NR3C2: variants seen among roughly 807,000 people sequenced by gnomAD.
NR3C2 encodes the protein mineralocorticoid receptor.
Under a neutral mutation model 86.4 loss-of-function variants are expected in NR3C2, and 15 were observed. The observed-to-expected ratio is 0.17, with a 90% confidence interval of 0.12 to 0.27. The LOEUF is 0.27. Ranked by LOEUF, NR3C2 falls within the 10% of genes least tolerant of loss-of-function variation. The pLI is 1.00. For synonymous variants in NR3C2, 458 were observed against 450.5 expected, an observed-to-expected ratio of 1.02 and a Z score of -0.21; for missense variants, 960 against 1,195.6, an observed-to-expected ratio of 0.80 and a Z score of 2.91.
intron 2 of NR3C2, among the ~76,000 whole-genome samples, chr4:148,391,863 T>C (rs62333617): frequency 0.01 from 1,197 of 114,208 alleles, 7 homozygotes; most frequent in Non-Finnish European, 0.018. Flanking sequence ...CAAGACTCCA[T>C]TGCAAAAAAA....
At chr4:148,168,598 G>T (rs1484988821) in intron 4 of NR3C2, among the ~76,000 whole-genome samples, 1 of 152,168 alleles carries the variant, frequency 6.6e-6, no homozygotes, top group African/African-American at 2.4e-5. Flanking sequence ...GACATTTATT[G>T]ATATTTATTT....
intron 8 of NR3C2, among the ~76,000 whole-genome samples, chr4:148,087,096 C>G (rs768519494): frequency 2.8e-4 from 43 of 152,178 alleles, no homozygotes; most frequent in Admixed American, 2.6e-4. Context: ...AATCAGTGTG[C>G]AAAAGTTACA....
rs769506516 is a variant in NR3C2 at position 148,435,236 on chromosome 4, T to A, written c.1625A>T (p.Gln542Leu). 2.5e-6 allele frequency: 4 copies of A among 1,614,086 alleles called. No homozygotes were observed. In the Admixed American group the frequency reaches 6.7e-5, roughly 27 times the overall value. ...TISLSRSARD[Q>L]SFQHLSSFPP... The stretch of plus-strand genomic sequence containing the variant: ...AAAGGAACTCAGGTGTTGGAAAGAT[T>A]GGTCTCTAGCCGATCGTGATAAAGA... Residue 542 changes from glutamine to leucine, a missense_variant, in exon 2 of 9, where the codon CAA (glutamine) becomes CTA (leucine). Gln to Leu is a moderately radical substitution (Grantham distance 113). Around this residue, in one of 4 missense-constraint regions of NR3C2, gnomAD observed 680 missense variants for 719.0 expected, o/e 0.95. Transcript: ENST00000358102.
At chr4:148,126,096 C>G (rs955332807) in intron 6 of NR3C2, among the ~76,000 whole-genome samples, 2 of 152,238 alleles carry the variant, frequency 1.3e-5, no homozygotes, top group African/African-American at 4.8e-5. Context: ...GCATCCCTGG[C>G]TTTGCCCCAG....
chr4:148,300,316 C>A (rs548556348), intron 2 of NR3C2, among the ~76,000 whole-genome samples: 14 of 152,144 alleles, frequency 9.2e-5, no homozygotes, highest in Non-Finnish European at 1.6e-4. Flanking sequence ...CCACAAACAG[C>A]CCTGAATTTT....
At chr4:148,163,981 T>A (rs1377672258) in intron 4 of NR3C2, among the ~76,000 whole-genome samples, 1 of 152,100 alleles carries the variant, frequency 6.6e-6, no homozygotes, top group African/African-American at 2.4e-5. Flanking sequence ...AATCAGAAGG[T>A]CAAAGGGGGT....
intron 6 of NR3C2, among the ~76,000 whole-genome samples, chr4:148,148,004 T>C (rs574363520): frequency 4.9e-4 from 75 of 151,606 alleles, no homozygotes; most frequent in African/African-American, 1.8e-3. Flanking sequence ...CCAAAACGAG[T>C]TCAACATTTT....
chr4:148,324,366 TTTGTG>T (rs1743839906), intron 2 of NR3C2, among the ~76,000 whole-genome samples: 5 of 71,906 alleles, frequency 7.0e-5, no homozygotes, highest in Non-Finnish European at 1.2e-4. Context: ...TGTGTGTGTG[TTTGTG>T]TGTGTGTTCC....
chr4:148,376,794 AATTAT>A (rs1746702608), intron 2 of NR3C2, among the ~76,000 whole-genome samples: 2 of 152,146 alleles, frequency 1.3e-5, no homozygotes, highest in Non-Finnish European at 1.5e-5. Context: ...ATAACAGAAA[AATTAT>A]ATTAGAGAGT....
intron 4 of NR3C2, among the ~76,000 whole-genome samples, chr4:148,178,742 G>A (rs1735504029): frequency 6.6e-6 from 1 of 151,416 alleles, no homozygotes; most frequent in African/African-American, 2.4e-5. Context: ...CCTGTTCTGG[G>A]TGGTGACTGA....
chr4:148,120,236 T>C lies in NR3C2; in HGVS notation c.2563A>G (p.Ile855Val). The change falls in exon 7 of 9, where the codon ATC (isoleucine) becomes GTC (valine). Residue 855 changes from isoleucine (I) to valine (V), a missense_variant. This residue lies in a region of NR3C2 where 151 missense variants were observed against 296.3 expected (regional missense o/e 0.51). Transcript: ENST00000358102. ...MYELCQGMHQISLQFVRLQLT... is the reference protein window; with the variant it reads ...MYELCQGMHQVSLQFVRLQLT... The stretch of plus-strand genomic sequence containing the variant: ...TGCAGTCGAACGAACTGAAGGCTGA[T>C]TTGGTGCATCCCCTGGCATAGTTCA... 6.2e-7 allele frequency: 1 copy of C among 1,614,150 alleles called. No individual in the cohort carries two copies. Among genetic ancestry groups the C allele is most frequent in the Non-Finnish European group, 8.5e-7 (1 of 1,179,994 alleles).
chr4:148,366,567 G>A (rs1746154424), intron 2 of NR3C2, among the ~76,000 whole-genome samples: 1 of 6,360 alleles, frequency 1.6e-4, no homozygotes, highest in East Asian at 3.3e-3. Context: ...CAAGACACAA[G>A]TACCAATTCA....
intron 6 of NR3C2, among the ~76,000 whole-genome samples, chr4:148,130,050 T>C (rs1242909637): frequency 6.6e-6 from 1 of 152,230 alleles, no homozygotes; most frequent in Non-Finnish European, 1.5e-5. Context: ...CTTGAATAGT[T>C]TTTAGTTTTA....
At chr4:148,257,435 T>C (rs937033616) in intron 3 of NR3C2, among the ~76,000 whole-genome samples, 1 of 152,186 alleles carries the variant, frequency 6.6e-6, no homozygotes, top group South Asian at 2.1e-4. Context: ...AAGGCTATAT[T>C]ATGAGATTTA....
intron 8 of NR3C2, among the ~76,000 whole-genome samples, chr4:148,110,799 C>T (rs963838712): frequency 2.0e-5 from 3 of 152,078 alleles, no homozygotes; most frequent in African/African-American, 4.8e-5. Flanking sequence ...CTGAAACTAC[C>T]CTTCCATTTG....
In NR3C2 at chr4:148,435,264, T is replaced by C. The variant is rs1183657431; in HGVS notation, c.1597A>G (p.Ile533Val). The change falls in exon 2 of 9, where the codon ATA becomes GTA. Residue 533 changes from isoleucine (I) to valine (V), a missense_variant. Transcript: ENST00000358102. ...FHYRIGAQGT[I>V]SLSRSARDQS... ...TCTCTAGCCGATCGTGATAAAGATA[T>C]TGTACCTTGAGCACCAATCCTGTAG... 9 of 1,614,052 alleles carry C rather than the reference T, an allele frequency of 5.6e-6. No homozygotes were observed. Among genetic ancestry groups the C allele is most frequent in the East Asian group, 2.2e-5 (1 of 44,888 alleles).
chr4:148,407,462 T>C (rs1748479959), intron 2 of NR3C2, among the ~76,000 whole-genome samples: 1 of 152,016 alleles, frequency 6.6e-6, no homozygotes, highest in Non-Finnish European at 1.5e-5. Context: ...AACATATAAT[T>C]AGTTTTGATT....
chr4:148,386,007 G>A (rs762229765), intron 2 of NR3C2, among the ~76,000 whole-genome samples: 16 of 152,152 alleles, frequency 1.1e-4, no homozygotes, highest in Admixed American at 2.6e-4. Flanking sequence ...GCTCTCTGCT[G>A]GAGGCACAGA....
intron 3 of NR3C2, among the ~76,000 whole-genome samples, chr4:148,201,441 T>C (rs1736715533): frequency 6.6e-6 from 1 of 152,256 alleles, no homozygotes; most frequent in African/African-American, 2.4e-5. Context: ...TATTGCCATG[T>C]ATTGTTCCTA....
Sources: gnomAD v4.1 joint callset for allele counts (sites outside exome capture counted in the v4.1 genomes callset) on GRCh38, gnomAD v4.1.1 for gene constraint, gnomAD v4.1.1 regional missense constraint, MANE v1.5 for transcripts, NCBI Gene and HGNC (gene_info 2026-07-23, HGNC 2026-07-21) for gene names.